Variants in EPHA5 observed in about 807,000 individuals in gnomAD.
The protein encoded by EPHA5 is EPH receptor A5, also known as ephrin type-A receptor 5.
EPHA5 carries 60 observed loss-of-function variants against 105.0 expected under a neutral mutation model. The ratio of observed to expected loss-of-function variants is 0.57; its 90% confidence interval spans 0.46 to 0.71. EPHA5 has a LOEUF of 0.71. EPHA5 is among the 30% of genes least tolerant of loss of function. The pLI, the probability that EPHA5 is intolerant of heterozygous loss-of-function variation, is 0.00. For synonymous variants in EPHA5, 513 were observed against 449.1 expected (o/e 1.14, Z -1.80); for missense variants, 1,218 against 1,274.7 (o/e 0.96, Z 0.68).
chr4:65,621,269 C>T (rs1029522609), intron 2 of EPHA5, among the ~76,000 whole-genome samples: 5 of 152,230 alleles, frequency 3.3e-5, no homozygotes, highest in Middle Eastern at 3.4e-3. Context: ...TGACAATATG[C>T]ACCAGCTGGA....
intron 5 of EPHA5, among the ~76,000 whole-genome samples, chr4:65,443,228 T>A (rs1200339181): frequency 1.3e-5 from 2 of 152,036 alleles, no homozygotes; most frequent in African/African-American, 4.8e-5. Context: ...ATTACTTTTT[T>A]AAAAAGTGTA....
intron 8 of EPHA5, among the ~76,000 whole-genome samples, chr4:65,374,333 T>C (rs1219788043): frequency 6.6e-6 from 1 of 151,908 alleles, no homozygotes. Context: ...ACATTATGTT[T>C]ATGAATGTCA....
At chr4:65,413,324 G>A (rs1181088794) in intron 7 of EPHA5, among the ~76,000 whole-genome samples, 1 of 151,892 alleles carries the variant, frequency 6.6e-6, no homozygotes, top group Non-Finnish European at 1.5e-5. Context: ...ACAACATTTA[G>A]AAAGCTATTT....
intron 2 of EPHA5, among the ~76,000 whole-genome samples, chr4:65,607,952 A>G (rs183522439): frequency 1.3e-5 from 2 of 152,334 alleles, no homozygotes; most frequent in East Asian, 1.9e-4. Context: ...TCAATGTTAG[A>G]CTGGATAAAG....
intron 3 of EPHA5, among the ~76,000 whole-genome samples, chr4:65,591,829 C>A (rs1422755033): frequency 3.9e-5 from 6 of 151,920 alleles, no homozygotes; most frequent in African/African-American, 1.5e-4. Flanking sequence ...ATTTTTCAGA[C>A]AGCTTAACTA....
chr4:65,637,225 G>GTTTT (rs33936787), intron 2 of EPHA5, among the ~76,000 whole-genome samples: 1,695 of 139,016 alleles, frequency 0.012, 21 homozygotes, highest in Non-Finnish European at 0.018. Flanking sequence ...GCACAGAAAA[G>GTTTT]TTTTTTTTTT....
intron 3 of EPHA5, among the ~76,000 whole-genome samples, chr4:65,561,167 AG>A (rs1428187126): frequency 2.0e-5 from 3 of 152,040 alleles, no homozygotes; most frequent in African/African-American, 7.3e-5. Flanking sequence ...AACATTTTTA[AG>A]GGACAAAAAA....
chr4:65,395,976 C>G (rs1327694997), intron 8 of EPHA5, among the ~76,000 whole-genome samples: 1 of 152,174 alleles, frequency 6.6e-6, no homozygotes, highest in Admixed American at 6.5e-5. Context: ...AACCCACCCC[C>G]TTCCAAATTG....
intron 3 of EPHA5, among the ~76,000 whole-genome samples, chr4:65,568,396 T>C (rs1739778852): frequency 6.6e-6 from 1 of 151,414 alleles, no homozygotes; most frequent in Non-Finnish European, 1.5e-5. Context: ...TGTCCTGTGA[T>C]ATAAAAAAAT....
intron 5 of EPHA5, among the ~76,000 whole-genome samples, chr4:65,486,089 T>C (rs1730852704): frequency 6.6e-6 from 1 of 152,138 alleles, no homozygotes; most frequent in Non-Finnish European, 1.5e-5. Context: ...TGTTTATTAT[T>C]CTAAGGACAC....
At chr4:65,354,007 G>A (rs1011139943) in intron 11 of EPHA5, among the ~76,000 whole-genome samples, 1 of 151,666 alleles carries the variant, frequency 6.6e-6, no homozygotes, top group African/African-American at 2.4e-5. Flanking sequence ...CATACTTCTT[G>A]GATTTTCATC....
chr4:65,528,219 C>T (rs1185254138), intron 3 of EPHA5, among the ~76,000 whole-genome samples: 13 of 152,118 alleles, frequency 8.5e-5, no homozygotes, highest in Admixed American at 8.5e-4. Context: ...CTAAGCATCA[C>T]ACGTCGGCAA....
At chr4:65,472,011 T>C (rs1729335743) in intron 5 of EPHA5, among the ~76,000 whole-genome samples, 1 of 152,206 alleles carries the variant, frequency 6.6e-6, no homozygotes, top group Admixed American at 6.5e-5. Flanking sequence ...AAGTCTCATC[T>C]GAGACAAGAC....
At chr4:65,380,585 A>T (rs1161503495) in intron 8 of EPHA5, among the ~76,000 whole-genome samples, 2 of 151,902 alleles carry the variant, frequency 1.3e-5, no homozygotes, top group African/African-American at 2.4e-5. Flanking sequence ...TAAAAACACT[A>T]AGATGTCAAC....
At chr4:65,365,898 A>C in intron 10 of EPHA5, 34 bp downstream of exon 10, 8 of 1,586,884 alleles carry the variant, frequency 5.0e-6, no homozygotes, top group Non-Finnish European at 6.0e-6. Context: ...ATGCAAACAA[A>C]AGTTAAAAAT....
intron 11 of EPHA5, among the ~76,000 whole-genome samples, chr4:65,357,965 A>G (rs1308513885): frequency 1.3e-5 from 2 of 151,442 alleles, no homozygotes; most frequent in Non-Finnish European, 3.0e-5. Context: ...GCCATAAGAC[A>G]TCTCAAAGTT....
chr4:65,534,651 C>G (rs1736126081), intron 3 of EPHA5, among the ~76,000 whole-genome samples: 1 of 152,146 alleles, frequency 6.6e-6, no homozygotes, highest in Non-Finnish European at 1.5e-5. Flanking sequence ...ACCTTATGGA[C>G]AATTTTCTGC....
rs1726593479 is a variant in EPHA5, at chr4:65,446,940, G to A, written c.1403-26375C>T. Among the ~76,000 whole-genome samples, 3 of 149,718 alleles carry A rather than the reference G, an allele frequency of 2.0e-5. 1 individual carries two copies. The South Asian group carries it at 6.3e-4, about 31-fold the overall frequency. On this transcript the variant is annotated intron_variant, in intron 5 of 16. Coordinates refer to ENST00000613740, the MANE Select transcript of EPHA5 (RefSeq NM_001281766.3). Reference sequence around the variant, plus strand: ...GTTATATTCAATAGTTAGAATTAAAGACTGCTATTACCATGTCTGCGTTTT... The same window carrying A: ...GTTATATTCAATAGTTAGAATTAAAAACTGCTATTACCATGTCTGCGTTTT...
chr4:65,389,046 C>T (rs907661327), intron 8 of EPHA5, among the ~76,000 whole-genome samples: 5 of 151,968 alleles, frequency 3.3e-5, no homozygotes, highest in Non-Finnish European at 7.4e-5. Flanking sequence ...TTTAGATCAT[C>T]TTTGGTATGA....
Sources: gnomAD v4.1 joint callset for allele counts (sites outside exome capture counted in the v4.1 genomes callset) on GRCh38, gnomAD v4.1.1 for gene constraint, MANE v1.5 for transcripts, NCBI Gene and HGNC (gene_info 2026-07-23, HGNC 2026-07-21) for gene names.